Variants in KLHL8 observed in about 807,000 individuals in gnomAD.
KLHL8 encodes the protein kelch like family member 8, also known as kelch-like protein 8.
A neutral mutation model predicts 63.5 loss-of-function variants in KLHL8; 38 were observed. The observed-to-expected ratio is 0.60, with a 90% confidence interval of 0.46 to 0.78. KLHL8 has a LOEUF of 0.78. Ranked by LOEUF, KLHL8 falls within the 30% of genes least tolerant of loss-of-function variation. The probability of loss-of-function intolerance (pLI) is 0.00; values close to 1 mark genes in which losing one functional copy is unlikely to be tolerated. For synonymous variants in KLHL8, 224 were observed against 254.3 expected (o/e 0.88, Z 1.13); for missense variants, 566 against 752.4 (o/e 0.75, Z 2.90).
intron 5 of KLHL8, 91 bp from the exon 6 acceptor site, chr4:87,176,959 TCACCA>T: frequency 1.6e-6 from 1 of 624,396 alleles, no homozygotes; most frequent in Non-Finnish European, 2.7e-6. Flanking sequence ...AATTAAAATA[TCACCA>T]TAAGTTAATT....
intron 1 of KLHL8, among the ~76,000 whole-genome samples, chr4:87,228,831 C>T (rs1342376254): frequency 6.6e-6 from 1 of 152,156 alleles, no homozygotes; most frequent in Non-Finnish European, 1.5e-5. Context: ...TATATTGCAA[C>T]CTTTTGTAGA....
chr4:87,229,561 A>G (rs1432859052), intron 1 of KLHL8, among the ~76,000 whole-genome samples: 1 of 151,536 alleles, frequency 6.6e-6, no homozygotes, highest in Non-Finnish European at 1.5e-5. Context: ...CCTCCCAAGT[A>G]GCTGGGACTA....
upstream of KLHL8, among the ~76,000 whole-genome samples, chr4:87,224,006 G>A (rs1367709422): frequency 6.6e-6 from 1 of 151,822 alleles, no homozygotes; most frequent in Non-Finnish European, 1.5e-5. Flanking sequence ...TTCATTTTAT[G>A]ATTGTACTTT....
rs1017919404 is a variant in KLHL8 at position 87,207,429 on chromosome 4, A to G, written c.-151-11739T>C. ...AGGCTGGAGCTCACTTGCAGGAAGG[A>G]GCCAAAAGGGTCATCATCTCTCCCC... On this transcript the variant is annotated intron_variant, in intron 1 of 9. Transcript: ENST00000273963. 56 of 699,484 alleles carry G rather than the reference A, an allele frequency of 8.0e-5. No individual in the cohort carries two copies. In the Middle Eastern group the frequency reaches 1.3e-3, roughly 17 times the overall value. 43.3% of individuals were successfully genotyped at this position (699,484 alleles called of 1,614,324 possible). A position where few individuals can be genotyped will look rare whatever the true frequency, so the allele number is the denominator to read the frequency against.
chr4:87,163,760 G>A (rs1667984976), intron 9 of KLHL8, 118 bp from the exon 10 acceptor site: 4 of 1,522,006 alleles, frequency 2.6e-6, no homozygotes, highest in Non-Finnish European at 3.6e-6. Context: ...GCTTCCAGTG[G>A]GAGATAAGAT....
At chr4:87,207,877 A>C in intron 1 of KLHL8, 1 of 1,532,586 alleles carries the variant, frequency 6.5e-7, no homozygotes, top group Non-Finnish European at 9.0e-7. Context: ...GGTGAAGCAG[A>C]CATCGGAGGG....
intron 1 of KLHL8, chr4:87,208,122 A>G (rs550687974): frequency 8.0e-5 from 37 of 464,500 alleles, no homozygotes; most frequent in Non-Finnish European, 1.5e-4. Flanking sequence ...CAGAGAGAGC[A>G]TGAGAGGAAG....
chr4:87,200,614 C>T (rs933522323), intron 1 of KLHL8, among the ~76,000 whole-genome samples: 1 of 151,984 alleles, frequency 6.6e-6, no homozygotes, highest in Admixed American at 6.6e-5. Flanking sequence ...TCACCTTACA[C>T]CTGTTGGGAT....
At chr4:87,190,334 T>C (rs957958871) in intron 2 of KLHL8, among the ~76,000 whole-genome samples, 3 of 152,136 alleles carry the variant, frequency 2.0e-5, no homozygotes, top group Non-Finnish European at 4.4e-5. Context: ...ATAATAATCT[T>C]GATACTTCAA....
intron 1 of KLHL8, chr4:87,207,424 GAAGGAGCCAA>G (rs1005308375): frequency 5.8e-6 from 4 of 695,164 alleles, no homozygotes; most frequent in African/African-American, 5.2e-5. Context: ...TCACTTGCAG[GAAGGAGCCAA>G]AAGGGTCATC....
chr4:87,226,679 A>T (rs1423987097), intron 1 of KLHL8, among the ~76,000 whole-genome samples: 1 of 9,842 alleles, frequency 1.0e-4, no homozygotes, highest in East Asian at 0.036. Context: ...TATATTATTT[A>T]TATATAATAT....
chr4:87,215,628 G>GT (rs1228892717), intron 1 of KLHL8, among the ~76,000 whole-genome samples: 1 of 152,098 alleles, frequency 6.6e-6, no homozygotes, highest in African/African-American at 2.4e-5. Context: ...ACAGAACTTG[G>GT]TTTTACACTG....
intron 1 of KLHL8, among the ~76,000 whole-genome samples, chr4:87,234,167 T>C (rs935149795): frequency 5.9e-5 from 9 of 152,268 alleles, no homozygotes; most frequent in African/African-American, 1.9e-4. Context: ...TGGCTGGGTG[T>C]GGTGGCTCAC....
upstream of KLHL8, among the ~76,000 whole-genome samples, chr4:87,222,936 CTAAGCTTTTATTTTATTT>C (rs1332631738): frequency 6.6e-6 from 1 of 151,886 alleles, no homozygotes; most frequent in Non-Finnish European, 1.5e-5. Context: ...TTTTTATAGC[CTAAGCTTTTATTTTATTT>C]TATTTATTTT....
At chr4:87,239,659 G>A (rs561156960) in intron 1 of KLHL8, among the ~76,000 whole-genome samples, 1 of 152,134 alleles carries the variant, frequency 6.6e-6, no homozygotes, top group Non-Finnish European at 1.5e-5. Context: ...AGAGGCAGCA[G>A]GTGTTTCAGC....
intron 1 of KLHL8, chr4:87,207,087 T>G: frequency 2.1e-6 from 1 of 486,822 alleles, no homozygotes; most frequent in Non-Finnish European, 3.9e-6. Context: ...ATCGCTGAGG[T>G]AGTGAAGGTG....
chr4:87,219,310 C>A (rs1316449911), intron 1 of KLHL8, among the ~76,000 whole-genome samples: 1 of 152,138 alleles, frequency 6.6e-6, no homozygotes, highest in East Asian at 1.9e-4. Context: ...GAGAAAGATG[C>A]GCGAAGAGGA....
intron 2 of KLHL8, among the ~76,000 whole-genome samples, chr4:87,192,859 A>G (rs930219404): frequency 3.9e-5 from 6 of 152,190 alleles, no homozygotes; most frequent in Non-Finnish European, 7.3e-5. Flanking sequence ...CTGCATATCT[A>G]AACATATAAA....
intron 1 of KLHL8, among the ~76,000 whole-genome samples, chr4:87,226,344 G>A (rs1732973669): frequency 6.6e-6 from 1 of 151,670 alleles, no homozygotes; most frequent in Non-Finnish European, 1.5e-5. Context: ...GGGTGGATCA[G>A]TTGAGGTCAG....
Sources: allele counts gnomAD v4.1 joint callset (sites outside exome capture counted in the v4.1 genomes callset), GRCh38; gene constraint gnomAD v4.1.1; transcripts MANE v1.5; gene names NCBI Gene and HGNC (gene_info 2026-07-23, HGNC 2026-07-21).